LRMDA: variants seen among roughly 807,000 people sequenced by gnomAD.
The protein encoded by LRMDA is leucine-rich melanocyte differentiation-associated protein.
A neutral mutation model predicts 29.8 loss-of-function variants in LRMDA; 18 were observed. That is an observed-to-expected ratio of 0.60 (90% CI 0.42 to 0.90). The LOEUF is 0.90. LRMDA is among the 40% of genes least tolerant of loss of function. The pLI is 0.00. For synonymous variants in LRMDA, 125 were observed against 109.4 expected, an observed-to-expected ratio of 1.14 and a Z score of -0.89; for missense variants, 273 against 273.9, an observed-to-expected ratio of 1.00 and a Z score of 0.02.
At chr10:75,433,233 C>T (rs1323008750) in intron 1 of LRMDA, among the ~76,000 whole-genome samples, 2 of 152,266 alleles carry the variant, frequency 1.3e-5, no homozygotes, top group East Asian at 3.9e-4. Flanking sequence ...TTGGTGTTCT[C>T]CCGGTGTACC....
chr10:76,411,595 C>T (rs1056541618), intron 6 of LRMDA, among the ~76,000 whole-genome samples: 1 of 152,202 alleles, frequency 6.6e-6, no homozygotes, highest in Admixed American at 6.5e-5. Context: ...ACTTTCTTGG[C>T]CAAAATTCTG....
chr10:76,133,442 T>TGGTA (rs1322684314), intron 5 of LRMDA, among the ~76,000 whole-genome samples: 1 of 152,150 alleles, frequency 6.6e-6, no homozygotes, highest in African/African-American at 2.4e-5. Flanking sequence ...CTACCAGTCC[T>TGGTA]GGGTGGTCTT....
In LRMDA at chr10:76,363,176, A is replaced by AGAAAGAAAGAAGGGAG. The variant is rs1459442138; in HGVS notation, c.601+38692_601+38693insAAAGAAAGAAGGGAGG. 1.1e-3 allele frequency among the ~76,000 whole-genome samples: 24 copies of AGAAAGAAAGAAGGGAG among 21,792 alleles called. 1 individual carries two copies. The highest frequency in any genetic ancestry group is 2.3e-3 in the Non-Finnish European group (20 of 8,594). 14.3% of individuals were successfully genotyped at this position (21,792 alleles called of 152,430 possible). ...AAGAAAGAAAGAAAGAAAGAAAGAA[A>AGAAAGAAAGAAGGGAG]GGAGGGAGGGAGGGAGGGAGGGAGG... is the stretch of plus-strand genomic sequence containing the variant. On this transcript the variant is annotated intron_variant, in intron 6 of 6. Coordinates refer to ENST00000611255, the MANE Select transcript of LRMDA (RefSeq NM_001305581.2).
chr10:76,411,725 G>A (rs1177265248), intron 6 of LRMDA, among the ~76,000 whole-genome samples: 1 of 152,242 alleles, frequency 6.6e-6, no homozygotes, highest in Non-Finnish European at 1.5e-5. Context: ...GGTGCCAGCA[G>A]TGGGGGATGG....
At chr10:75,966,294 T>G (rs908422686) in intron 2 of LRMDA, among the ~76,000 whole-genome samples, 1 of 152,228 alleles carries the variant, frequency 6.6e-6, no homozygotes, top group African/African-American at 2.4e-5. Context: ...TTTGTGACCT[T>G]AGGCAGGTTT....
chr10:75,937,060 T>G (rs1373342476), intron 2 of LRMDA, among the ~76,000 whole-genome samples: 1 of 152,202 alleles, frequency 6.6e-6, no homozygotes. Context: ...TTTTTACTTT[T>G]GGGGGAAGAA....
chr10:76,407,174 C>T (rs1841911489), intron 6 of LRMDA, among the ~76,000 whole-genome samples: 1 of 152,144 alleles, frequency 6.6e-6, no homozygotes, highest in African/African-American at 2.4e-5. Flanking sequence ...TCAGCCTGGG[C>T]TCTGTGGTGG....
At chr10:75,949,356 CAATGCCTTGT>C (rs1554836055) in intron 2 of LRMDA, among the ~76,000 whole-genome samples, 1 of 152,250 alleles carries the variant, frequency 6.6e-6, no homozygotes, top group Non-Finnish European at 1.5e-5. Context: ...ATTGGTTCAA[CAATGCCTTGT>C]AATGTTTGAG....
intron 2 of LRMDA, among the ~76,000 whole-genome samples, chr10:75,515,170 G>A (rs1845276024): frequency 1.3e-5 from 2 of 152,162 alleles, no homozygotes; most frequent in South Asian, 4.1e-4. Flanking sequence ...ATCCAGAATA[G>A]GTAAATTCAT....
At chr10:76,111,856 T>C (rs951851035) in intron 5 of LRMDA, among the ~76,000 whole-genome samples, 2 of 151,996 alleles carry the variant, frequency 1.3e-5, no homozygotes, top group Non-Finnish European at 2.9e-5. Context: ...GCGTCAAAAT[T>C]AGCCGTTTAA....
chr10:76,291,421 A>G (rs1298415321), intron 5 of LRMDA, among the ~76,000 whole-genome samples: 1 of 152,204 alleles, frequency 6.6e-6, no homozygotes, highest in African/African-American at 2.4e-5. Context: ...TGTGGGGGAT[A>G]TTTTATAACT....
intron 2 of LRMDA, among the ~76,000 whole-genome samples, chr10:75,832,644 A>G (rs1213185359): frequency 1.3e-5 from 2 of 152,202 alleles, no homozygotes; most frequent in Non-Finnish European, 2.9e-5. Context: ...CACACTGCTG[A>G]TAAAGACATA....
At chr10:75,566,565 C>T (rs1438055559) in intron 2 of LRMDA, among the ~76,000 whole-genome samples, 2 of 152,122 alleles carry the variant, frequency 1.3e-5, no homozygotes, top group African/African-American at 4.8e-5. Flanking sequence ...CAATTTCTCT[C>T]TTTGCCTTCT....
chr10:76,343,994 G>A (rs1841072794), intron 6 of LRMDA, among the ~76,000 whole-genome samples: 1 of 151,346 alleles, frequency 6.6e-6, no homozygotes, highest in Admixed American at 6.6e-5. Flanking sequence ...ATTTTTTTTG[G>A]TATTTTTAGT....
chr10:76,216,879 A>G (rs929188271), intron 5 of LRMDA, among the ~76,000 whole-genome samples: 1 of 152,264 alleles, frequency 6.6e-6, no homozygotes, highest in African/African-American at 2.4e-5. Flanking sequence ...AAGGTCTACC[A>G]ATGAGTGAAT....
chr10:75,977,503 T>C (rs1847094415), intron 2 of LRMDA, among the ~76,000 whole-genome samples: 1 of 152,202 alleles, frequency 6.6e-6, no homozygotes, highest in Non-Finnish European at 1.5e-5. Flanking sequence ...TTCTGAATCT[T>C]CTTTTTGGAC....
intron 6 of LRMDA, among the ~76,000 whole-genome samples, chr10:76,441,638 G>C (rs1235584622): frequency 6.6e-6 from 1 of 152,154 alleles, no homozygotes; most frequent in African/African-American, 2.4e-5. Context: ...AATTGCACAG[G>C]GGGAGTGGCA....
intron 2 of LRMDA, among the ~76,000 whole-genome samples, chr10:75,903,626 C>G (rs1437683524): frequency 6.6e-6 from 1 of 152,140 alleles, no homozygotes; most frequent in African/African-American, 2.4e-5. Context: ...ATGAAAGGAA[C>G]TAGAAAAATG....
intron 6 of LRMDA, among the ~76,000 whole-genome samples, chr10:76,475,867 A>G (rs1301150747): frequency 1.3e-5 from 2 of 152,172 alleles, no homozygotes; most frequent in Non-Finnish European, 2.9e-5. Flanking sequence ...CAAAGACACA[A>G]CATACCAGAA....
Sources: allele counts gnomAD v4.1 joint callset (sites outside exome capture counted in the v4.1 genomes callset), GRCh38; gene constraint gnomAD v4.1.1; transcripts MANE v1.5; gene names NCBI Gene and HGNC (gene_info 2026-07-23, HGNC 2026-07-21).